ALKAL2: variants seen among roughly 807,000 people sequenced by gnomAD.
The protein encoded by ALKAL2 is ALK and LTK ligand 2.
ALKAL2 carries 8 observed loss-of-function variants against 18.5 expected under a neutral mutation model. The observed-to-expected ratio is 0.43, with a 90% CI of 0.25 to 0.78. ALKAL2 has a LOEUF of 0.78. ALKAL2 is among the 30% of genes least tolerant of loss of function. The pLI is 0.22. For synonymous variants in ALKAL2, 135 were observed against 95.8 expected (o/e 1.41, Z -2.39); for missense variants, 241 against 211.2 (o/e 1.14, Z -0.88).
intron 5 of ALKAL2, among the ~76,000 whole-genome samples, chr2:281,729 A>C (rs1670361333): frequency 6.6e-6 from 1 of 152,054 alleles, no homozygotes; most frequent in South Asian, 2.1e-4. Context: ...GTAAGTGGAA[A>C]ATTTCCAAGG....
chr2:280,065 G>A lies in ALKAL2; in HGVS notation c.*82C>T, dbSNP rs1670285545. ...ATAAATCTCTTGTCCATGAGGGGAT[G>A]TGTATAAAGATAGTTCTGTTTCCCT... is the stretch of plus-strand genomic sequence containing the variant. On this transcript the variant is annotated 3_prime_UTR_variant, in exon 6 of 6. Transcript: ENST00000403610. 1.4e-6 allele frequency: 2 copies of A among 1,457,690 alleles called. No homozygotes were observed. The highest frequency in any genetic ancestry group is 1.9e-6 in the Non-Finnish European group (2 of 1,038,360). 90.3% of individuals were successfully genotyped at this position (1,457,690 alleles called of 1,614,324 possible).
chr2:285,068 G>C (rs1391838435), intron 4 of ALKAL2, among the ~76,000 whole-genome samples: 1 of 152,158 alleles, frequency 6.6e-6, no homozygotes, highest in Non-Finnish European at 1.5e-5. Context: ...TGGTCAGAGG[G>C]GCCGAGGCTG....
chr2:281,247 A>G (rs951096408), intron 5 of ALKAL2, among the ~76,000 whole-genome samples: 1 of 152,220 alleles, frequency 6.6e-6, no homozygotes, highest in African/African-American at 2.4e-5. Context: ...GAGTTATGAA[A>G]TTATAGTTAA....
At chr2:287,007 A>T (rs1465716208) in intron 2 of ALKAL2, 1 of 152,222 alleles carries the variant, frequency 6.6e-6, no homozygotes, top group South Asian at 2.1e-4. Flanking sequence ...GCGTATTTAC[A>T]GCCCTCTCCA....
chr2:285,191 C>T (rs991495581), intron 4 of ALKAL2, among the ~76,000 whole-genome samples: 1 of 152,208 alleles, frequency 6.6e-6, no homozygotes, highest in African/African-American at 2.4e-5. Context: ...TTGGCATGCA[C>T]CCGGCACACA....
intron 2 of ALKAL2, 31 bp from the exon 3 acceptor site, chr2:286,374 C>G: frequency 6.6e-7 from 1 of 1,526,036 alleles, no homozygotes; most frequent in Non-Finnish European, 9.0e-7. Flanking sequence ...TATTATATTA[C>G]CTGAAGGACG....
rs1558270514 is a variant in ALKAL2, at chr2:287,695, C to T, written c.141G>A (p.Glu47=). The part of the protein sequence containing the change: ...LLRLVVELVQ[E]LRKHHSAEHK... ...GCTCCGCCGAGTGGTGCTTCCGCAG[C>T]TCCTGGACGAGTTCCACCACCAGCC... The change falls in exon 2 of 6, where the codon GAG becomes GAA. Residue 47 remains glutamate (E), a synonymous_variant. Transcript: ENST00000403610. The T allele has an allele frequency of 1.4e-6, 2 of 1,479,888 alleles. No individual in the cohort carries two copies. The highest frequency in any genetic ancestry group is 2.9e-5 in the East Asian group (1 of 33,976). The allele number at this position is 1,479,888 out of a possible 1,614,324, so 91.7% of individuals were successfully genotyped here.
intron 5 of ALKAL2, among the ~76,000 whole-genome samples, chr2:282,161 G>C (rs538641569): frequency 6.6e-6 from 1 of 152,324 alleles, no homozygotes; most frequent in Admixed American, 6.5e-5. Context: ...GCCTCCTGCC[G>C]GTGTTGGGGT....
intron 1 of ALKAL2, 28 bp from the exon 2 acceptor site, chr2:287,920 G>T: frequency 8.2e-7 from 1 of 1,222,714 alleles, no homozygotes; most frequent in Non-Finnish European, 1.0e-6. Context: ...CGGGGGGCCG[G>T]AGAGAAAGTC....
intron 5 of ALKAL2, among the ~76,000 whole-genome samples, chr2:281,350 T>C (rs1670337979): frequency 6.6e-6 from 1 of 151,952 alleles, no homozygotes; most frequent in Admixed American, 6.6e-5. Context: ...AGGTGGCCTT[T>C]TGGGGACAGA....
intron 2 of ALKAL2, 40 bp from the exon 3 acceptor site, chr2:286,383 C>G: frequency 6.7e-7 from 1 of 1,486,460 alleles, no homozygotes; most frequent in Non-Finnish European, 9.3e-7. Flanking sequence ...ACCTGAAGGA[C>G]GCATTTTTTA....
chr2:281,269 T>C lies in ALKAL2; in HGVS notation c.454-1117A>G, dbSNP rs146755950. 2.0e-3 allele frequency among the ~76,000 whole-genome samples: 312 copies of C among 152,342 alleles called. 1 individual carries two copies. The highest frequency in any genetic ancestry group is 3.5e-3 in the Non-Finnish European group (241 of 68,036). ...GAAATTATAGTTAACAGGGTATCAATATTTTAAACTTTACCTATCTCTTGG... is the reference window on the plus strand; with the variant it reads ...GAAATTATAGTTAACAGGGTATCAACATTTTAAACTTTACCTATCTCTTGG... On this transcript the variant is annotated intron_variant, in intron 5 of 5. Transcript: ENST00000403610.
intron 4 of ALKAL2, among the ~76,000 whole-genome samples, chr2:285,009 G>A (rs923046487): frequency 6.6e-6 from 1 of 152,186 alleles, no homozygotes; most frequent in African/African-American, 2.4e-5. Flanking sequence ...AAACTCTTCA[G>A]GAAGTGTGTG....
At chr2:287,962 G>A in intron 1 of ALKAL2, 51 bp downstream of exon 1, 2 of 1,219,442 alleles carry the variant, frequency 1.6e-6, no homozygotes, top group Non-Finnish European at 2.0e-6. Flanking sequence ...GCGGGGCGGG[G>A]GAGGGGAGGG....
intron 5 of ALKAL2, among the ~76,000 whole-genome samples, chr2:282,797 G>T (rs150105087): frequency 7.9e-5 from 12 of 152,190 alleles, no homozygotes; most frequent in African/African-American, 2.2e-4. Context: ...CGAAGTAAAC[G>T]GACAATTTTA....
chr2:282,788 G>C (rs779139863), intron 5 of ALKAL2, among the ~76,000 whole-genome samples: 1 of 152,200 alleles, frequency 6.6e-6, no homozygotes, highest in Non-Finnish European at 1.5e-5. Context: ...TGAATGCCTC[G>C]AAGTAAACGG....
rs773829006 is a variant in ALKAL2 at position 287,679 on chromosome 2, A to C, written c.157T>G (p.Ser53Ala). 6.7e-7 allele frequency: 1 copy of C among 1,483,128 alleles called. No homozygotes were observed. Among genetic ancestry groups the C allele is most frequent in the South Asian group, 1.3e-5 (1 of 78,512 alleles). The allele number at this position is 1,483,128 out of a possible 1,614,324, so 91.9% of individuals were successfully genotyped here. A position where few individuals can be genotyped will look rare whatever the true frequency, so the allele number is the denominator to read the frequency against. Residue 53 changes from serine (S) to alanine (A), a missense_variant, in exon 2 of 6, where the codon TCG becomes GCG. By Grantham distance (99) the Ser-to-Ala change is moderately conservative (BLOSUM62 1). Transcript: ENST00000403610. Reference protein sequence around the residue: ...ELVQELRKHHSAEHKGLQLLG... With the variant: ...ELVQELRKHHAAEHKGLQLLG... ...AGCTGCAGGCCCTTGTGCTCCGCCG[A>C]GTGGTGCTTCCGCAGCTCCTGGACG...
At position 287,683 on chromosome 2, in the gene ALKAL2, G is replaced by A. The variant is rs1320086585; in HGVS notation, c.153C>T (p.His51=). The change falls in exon 2 of 6, where the codon CAC becomes CAT. Residue 51 remains histidine, a synonymous_variant. Coordinates refer to ENST00000403610, the MANE Select transcript of ALKAL2 (RefSeq NM_001002919.3). The stretch of plus-strand genomic sequence containing the variant: ...GCAGGCCCTTGTGCTCCGCCGAGTG[G>A]TGCTTCCGCAGCTCCTGGACGAGTT... ...VVELVQELRK[H]HSAEHKGLQL... 4 of 1,482,868 alleles carry A rather than the reference G, an allele frequency of 2.7e-6. No homozygotes were observed. The South Asian group carries it at 3.8e-5, about 14-fold the overall frequency. 91.9% of individuals were successfully genotyped at this position (1,482,868 alleles called of 1,614,324 possible). A position where few individuals can be genotyped will look rare whatever the true frequency, so the allele number is the denominator to read the frequency against.
Position 287,788 on chromosome 2 carries a change from C to T in ALKAL2, c.48G>A (p.Leu16=), listed in dbSNP as rs1345311159. The change falls in exon 2 of 6, where the codon CTG becomes CTA. Residue 16 remains leucine, a synonymous_variant. Transcript: ENST00000403610. ...HPLLLGLLLV[L]GAAGRGRGGA... ...CCCCCCGGCCGCGCCCCGCCGCCCC[C>T]AGCACCAGCAGCAGCCCCAGGAGGA... 7.2e-7 allele frequency: 1 copy of T among 1,387,550 alleles called. No individual in the cohort carries two copies. The highest frequency in any genetic ancestry group is 2.6e-4 in the Middle Eastern group (1 of 3,810). 86.0% of individuals were successfully genotyped at this position (1,387,550 alleles called of 1,614,324 possible). A position where few individuals can be genotyped will look rare whatever the true frequency, so the allele number is the denominator to read the frequency against.
Sources: allele counts gnomAD v4.1 joint callset (sites outside exome capture counted in the v4.1 genomes callset), GRCh38; gene constraint gnomAD v4.1.1; transcripts MANE v1.5; gene names NCBI Gene and HGNC (gene_info 2026-07-23, HGNC 2026-07-21).